Variants in ZFHX3 observed in about 807,000 individuals in gnomAD.
ZFHX3 encodes the protein zinc finger homeobox protein 3.
A neutral mutation model predicts 279.1 loss-of-function variants in ZFHX3; 42 were observed. The ratio of observed to expected loss-of-function variants is 0.15; its 90% CI spans 0.12 to 0.19. ZFHX3 has a LOEUF of 0.19. ZFHX3 is among the 10% of genes least tolerant of loss of function. The pLI is 1.00. For synonymous variants in ZFHX3, 2,293 were observed against 1,957.8 expected (o/e 1.17, Z -4.52); for missense variants, 4,981 against 4,754.0 (o/e 1.05, Z -1.40).
In ZFHX3 at chr16:72,788,723, G is replaced by T; in HGVS notation, c.9553C>A (p.Gln3185Lys). The change falls in exon 10 of 10, where the codon CAA (glutamine) becomes AAA (lysine). Residue 3185 changes from glutamine to lysine, a missense_variant. Around this residue, in one of 7 missense-constraint regions of ZFHX3, gnomAD observed 1,034 missense variants for 786.0 expected, o/e 1.32. Coordinates refer to ENST00000268489, the MANE Select transcript of ZFHX3 (RefSeq NM_006885.4). ...SASLSSPTPA[Q>K]ATMAMGPQQP... The stretch of plus-strand genomic sequence containing the variant: ...TGAGGGCCCATCGCCATCGTGGCTT[G>T]TGCTGGGGTTGGGGAGCTCAGCGAC... The T allele has an allele frequency of 6.2e-7, 1 of 1,607,562 alleles. No homozygotes were observed.
intron 5 of ZFHX3, among the ~76,000 whole-genome samples, chr16:73,195,348 C>A (rs1451513441): frequency 2.0e-5 from 3 of 151,438 alleles, no homozygotes; most frequent in Non-Finnish European, 4.4e-5. Flanking sequence ...GAAACAAATA[C>A]CTGTTTGGAA....
chr16:73,483,011 G>C (rs958466625), intron 2 of ZFHX3, among the ~76,000 whole-genome samples: 4 of 152,148 alleles, frequency 2.6e-5, no homozygotes, highest in African/African-American at 9.7e-5. Context: ...AGAGAGCTTC[G>C]TAGCTAAATC....
chr16:72,943,664 G>T (rs568605221), intron 3 of ZFHX3, among the ~76,000 whole-genome samples: 1 of 152,288 alleles, frequency 6.6e-6, no homozygotes, highest in South Asian at 2.1e-4. Flanking sequence ...ACAACAACAC[G>T]GTGTTGGTCA....
intron 2 of ZFHX3, among the ~76,000 whole-genome samples, chr16:73,474,351 A>G (rs1388721711): frequency 2.0e-5 from 3 of 152,082 alleles, no homozygotes; most frequent in African/African-American, 7.2e-5. Context: ...GTTTCACCAT[A>G]TTGGCCAGGC....
chr16:73,798,644 G>C (rs752152628), intron 1 of ZFHX3, among the ~76,000 whole-genome samples: 1 of 152,138 alleles, frequency 6.6e-6, no homozygotes, highest in Non-Finnish European at 1.5e-5. Context: ...GGAAATTCAG[G>C]AAGTTGGCTG....
At chr16:73,447,027 A>G (rs1164030580) in intron 3 of ZFHX3, among the ~76,000 whole-genome samples, 1 of 151,910 alleles carries the variant, frequency 6.6e-6, no homozygotes, top group African/African-American at 2.4e-5. Flanking sequence ...AAAAATACAA[A>G]AAAATGAGCC....
chr16:73,188,220 G>A (rs551065810), intron 5 of ZFHX3, among the ~76,000 whole-genome samples: 2 of 147,962 alleles, frequency 1.4e-5, no homozygotes, highest in East Asian at 4.1e-4. Context: ...TAAGAGACAG[G>A]GTCTGGCTCT....
intron 3 of ZFHX3, among the ~76,000 whole-genome samples, chr16:73,417,273 T>A (rs1327099850): frequency 1.3e-5 from 2 of 151,984 alleles, no homozygotes; most frequent in Non-Finnish European, 2.9e-5. Flanking sequence ...TGTCTTACAT[T>A]TAGGATTGTG....
chr16:73,032,373 A>C (rs1047947811), intron 1 of ZFHX3, among the ~76,000 whole-genome samples: 1 of 152,182 alleles, frequency 6.6e-6, no homozygotes, highest in Non-Finnish European at 1.5e-5. Context: ...CCTAGTGACC[A>C]CAGTCATACA....
chr16:73,395,788 T>C (rs1346545687), intron 3 of ZFHX3, among the ~76,000 whole-genome samples: 1 of 152,084 alleles, frequency 6.6e-6, no homozygotes, highest in Non-Finnish European at 1.5e-5. Context: ...GGGGCCCTGA[T>C]GTGTAAAACT....
chr16:72,896,984 C>T (rs747256030), intron 3 of ZFHX3, among the ~76,000 whole-genome samples: 2 of 152,366 alleles, frequency 1.3e-5, no homozygotes, highest in South Asian at 4.1e-4. Context: ...CAGGCACACA[C>T]GGCAACTCCA....
chr16:73,186,527 C>T (rs972246135), intron 5 of ZFHX3, among the ~76,000 whole-genome samples: 1 of 151,616 alleles, frequency 6.6e-6, no homozygotes, highest in Non-Finnish European at 1.5e-5. Flanking sequence ...TGTGGATATA[C>T]CAGCCAATTC....
In ZFHX3 at chr16:73,334,810, C is replaced by CTTTTTTTTTTTTTTTTTTTTTTTTTTTT. The variant is rs368597124; in HGVS notation, c.-1290-16475_-1290-16474insAAAAAAAAAAAAAAAAAAAAAAAAAAAA. Among the ~76,000 whole-genome samples the CTTTTTTTTTTTTTTTTTTTTTTTTTTTT allele has an allele frequency of 2.4e-4, 14 of 57,916 alleles. 2 individuals are homozygous for CTTTTTTTTTTTTTTTTTTTTTTTTTTTT. The highest frequency in any genetic ancestry group is 6.9e-4 in the South Asian group (1 of 1,442). 38.0% of individuals were successfully genotyped at this position (57,916 alleles called of 152,430 possible). A position where few individuals can be genotyped will look rare whatever the true frequency, so the allele number is the denominator to read the frequency against. On this transcript the variant is annotated intron_variant, in intron 3 of 17. Coordinates refer to the ZFHX3 transcript ENST00000641206. ...TCTTTTCCTCCTTTTCTTTCTCATTCTTTTTTTTTTTTTTTTTTTTTTTTT... is the reference window on the plus strand; with the variant it reads ...TCTTTTCCTCCTTTTCTTTCTCATTCTTTTTTTTTTTTTTTTTTTTTTTTTTTTTTTTTTTTTTTTTTTTTTTTTTTTT...
At chr16:73,214,818 A>G (rs2012142655) in intron 5 of ZFHX3, among the ~76,000 whole-genome samples, 1 of 134,598 alleles carries the variant, frequency 7.4e-6, no homozygotes, top group African/African-American at 2.8e-5. Flanking sequence ...TTGGAGAAAC[A>G]TTACTCCATT....
At chr16:73,561,807 T>G (rs1245166634) in intron 2 of ZFHX3, among the ~76,000 whole-genome samples, 2 of 152,164 alleles carry the variant, frequency 1.3e-5, no homozygotes, top group Non-Finnish European at 2.9e-5. Flanking sequence ...CAAAAGTCCA[T>G]TTTAATTGTT....
intron 3 of ZFHX3, among the ~76,000 whole-genome samples, chr16:73,340,568 G>A (rs1423882591): frequency 1.3e-5 from 2 of 152,140 alleles, no homozygotes; most frequent in Non-Finnish European, 1.5e-5. Flanking sequence ...TAGAGACGAA[G>A]TCTCACCATG....
chr16:73,820,851 C>G (rs1960718645), intron 1 of ZFHX3, among the ~76,000 whole-genome samples: 1 of 151,450 alleles, frequency 6.6e-6, no homozygotes, highest in African/African-American at 2.4e-5. Context: ...TCTCAATAAC[C>G]TGGTAGTAGA....
At chr16:73,183,729 C>T (rs1567412427) in intron 5 of ZFHX3, among the ~76,000 whole-genome samples, 1 of 152,196 alleles carries the variant, frequency 6.6e-6, no homozygotes, top group Non-Finnish European at 1.5e-5. Context: ...CTCTGTGAGC[C>T]TCCTCTGAAT....
At chr16:72,903,865 C>T (rs1423802755) in intron 3 of ZFHX3, among the ~76,000 whole-genome samples, 1 of 152,174 alleles carries the variant, frequency 6.6e-6, no homozygotes, top group Non-Finnish European at 1.5e-5. Context: ...AGAGACCCAG[C>T]TCACAGACCA....
Sources: gnomAD v4.1 joint callset for allele counts (sites outside exome capture counted in the v4.1 genomes callset) on GRCh38, gnomAD v4.1.1 for gene constraint, gnomAD v4.1.1 regional missense constraint, MANE v1.5 for transcripts, NCBI Gene and HGNC (gene_info 2026-07-23, HGNC 2026-07-21) for gene names.